Variants in TRPM2 observed in about 807,000 individuals in gnomAD.
TRPM2 encodes estrogen-responsive element-associated gene 1 protein.
Under a neutral mutation model 174.0 loss-of-function variants are expected in TRPM2, and 161 were observed. The observed-to-expected ratio is 0.93, with a 90% confidence interval of 0.81 to 1.05. The LOEUF (loss-of-function observed/expected upper bound fraction) is 1.05. Among genes scored for constraint, TRPM2 ranks in the 50% least tolerant of loss-of-function variants. The pLI, the probability that TRPM2 is intolerant of heterozygous loss-of-function variation, is 0.00. For missense variants in TRPM2, 2,057 were observed against 2,038.0 expected, an observed-to-expected ratio of 1.01 and a Z score of -0.18; for synonymous variants, 954 against 861.3, an observed-to-expected ratio of 1.11 and a Z score of -1.88.
chr21:44,433,717 G>A (rs904945366), intron 27 of TRPM2, among the ~76,000 whole-genome samples: 2 of 152,176 alleles, frequency 1.3e-5, no homozygotes, highest in Admixed American at 6.5e-5. Context: ...GGGCCCCACC[G>A]TGCAAGGCCC....
At chr21:44,365,107 T>TGC (rs2048322635) in intron 3 of TRPM2, among the ~76,000 whole-genome samples, 1 of 112,236 alleles carries the variant, frequency 8.9e-6, no homozygotes, top group African/African-American at 4.1e-5. Flanking sequence ...TTCTGAGACT[T>TGC]GTGTGTTGAC....
chr21:44,357,240 C>T (rs1334109037), intron 2 of TRPM2, among the ~76,000 whole-genome samples: 4 of 152,194 alleles, frequency 2.6e-5, no homozygotes, highest in Non-Finnish European at 4.4e-5. Flanking sequence ...GGTGAGGCCC[C>T]GTGGGTCTGG....
chr21:44,439,094 C>T lies in TRPM2; in HGVS notation c.4195C>T (p.Pro1399Ser), dbSNP rs2051391270. 1.9e-6 allele frequency: 3 copies of T among 1,613,472 alleles called. No individual in the cohort carries two copies. The South Asian group carries it at 3.3e-5, about 18-fold the overall frequency. The change falls in exon 30 of 32, where the codon CCT becomes TCT. Residue 1399 changes from proline to serine, a missense_variant. Coordinates refer to ENST00000397928, the MANE Select transcript of TRPM2 (RefSeq NM_003307.4). The surrounding 1 kb of genome is among the most constrained non-coding windows in gnomAD (Gnocchi z 5.1). The stretch of plus-strand genomic sequence containing the variant: ...CTCCCGGGAGCCAGGGGAGATGCTA[C>T]CTCGGAAGCTGAAGCGGATCCTCCG... ...GGSREPGEML[P>S]RKLKRILRQE...
Position 44,418,013 on chromosome 21 carries a change from CCGCCG to C in TRPM2, c.3240_3244del (p.Pro1082LeufsTer71). ...CTGATCGAGGAGTACCACGGCCGCCCCGCCGCGCCGCCCCCCTTCATCCTCCTCAG... is the reference window on the plus strand; with the variant it reads ...CTGATCGAGGAGTACCACGGCCGCCCCGCCGCCCCCCTTCATCCTCCTCAG... On this transcript the variant is annotated frameshift_variant, in exon 21 of 32. Coordinates refer to ENST00000397928, the MANE Select transcript of TRPM2 (RefSeq NM_003307.4). LOFTEE classifies it high-confidence loss of function. 6.2e-7 allele frequency: 1 copy of C among 1,612,984 alleles called. No individual in the cohort carries two copies. Among genetic ancestry groups the C allele is most frequent in the East Asian group, 2.2e-5 (1 of 44,876 alleles).
rs1051314450 is a variant in TRPM2 at position 44,366,650 on chromosome 21, G to A, written c.424-104G>A. The A allele has an allele frequency of 6.7e-6, 10 of 1,498,894 alleles. No individual in the cohort carries two copies. The highest frequency in any genetic ancestry group is 2.3e-5 in the East Asian group (1 of 43,392). The allele number at this position is 1,498,894 out of a possible 1,614,324, so 92.8% of individuals were successfully genotyped here. A position where few individuals can be genotyped will look rare whatever the true frequency, so the allele number is the denominator to read the frequency against. On this transcript the variant is annotated intron_variant, in intron 3 of 31. Transcript: ENST00000397928. The surrounding 1 kb of genome is among the most constrained non-coding windows in gnomAD (Gnocchi z 6.0). Reference sequence around the variant, plus strand: ...CTGGGTCTGAGCCGGAAAGGTGTGCGGTGTCTGCCGCCCGCTGGGGCCTCT... The same window carrying A: ...CTGGGTCTGAGCCGGAAAGGTGTGCAGTGTCTGCCGCCCGCTGGGGCCTCT...
chr21:44,351,916 G>A (rs2122998538), upstream of TRPM2, among the ~76,000 whole-genome samples: 3 of 152,218 alleles, frequency 2.0e-5, no homozygotes, highest in Non-Finnish European at 2.9e-5. Flanking sequence ...AAAGATGAGC[G>A]TGTGAACAGA....
intron 2 of TRPM2, among the ~76,000 whole-genome samples, chr21:44,361,444 C>T (rs1307500798): frequency 6.6e-6 from 1 of 152,162 alleles, no homozygotes; most frequent in Non-Finnish European, 1.5e-5. Context: ...GCTGAATATT[C>T]CTTTCCCTTT....
rs577108837 is a variant in TRPM2 at position 44,427,481 on chromosome 21, C to T, written c.3974+370C>T. Among the ~76,000 whole-genome samples the T allele has an allele frequency of 1.6e-4, 24 of 152,288 alleles. No homozygotes were observed. In the East Asian group the frequency reaches 3.3e-3, roughly 21 times the overall value. ...ATGGGCACTGGCAGGCTTACCTGGC[C>T]GGGAAGGTGGCCTCGCCTGGCATCC... On this transcript the variant is annotated intron_variant, in intron 27 of 31. Transcript: ENST00000397928.
chr21:44,376,886 G>A lies in TRPM2; in HGVS notation c.953-826G>A, dbSNP rs992792175. On this transcript the variant is annotated intron_variant, in intron 6 of 31. Transcript: ENST00000397928. This position sits in a 1 kb window ranked among gnomAD's most constrained non-coding sequence, Gnocchi z 4.2. Reference sequence around the variant, plus strand: ...GGTGGGCTGAGAACTTGCATTAGGAGCACGTTCCCTGGTGAGGGCGATGCT... The same window carrying A: ...GGTGGGCTGAGAACTTGCATTAGGAACACGTTCCCTGGTGAGGGCGATGCT... Among the ~76,000 whole-genome samples, 2 of 151,882 alleles carry A rather than the reference G, an allele frequency of 1.3e-5. No individual in the cohort carries two copies. The highest frequency in any genetic ancestry group is 4.9e-5 in the African/African-American group (2 of 41,162).
At chr21:44,378,862 A>C (rs1260296006) in intron 7 of TRPM2, 135 bp from the exon 8 acceptor site, 1 of 973,176 alleles carries the variant, frequency 1.0e-6, no homozygotes, top group Non-Finnish European at 1.5e-6. Context: ...CACGAAACTA[A>C]TAAGTGCTTT....
At chr21:44,360,792 C>T (rs780482972) in intron 2 of TRPM2, among the ~76,000 whole-genome samples, 5 of 152,106 alleles carry the variant, frequency 3.3e-5, no homozygotes, top group South Asian at 4.2e-4. Context: ...GTCTCGGACT[C>T]GGGACCTCAA....
At chr21:44,357,893 C>G (rs1333901929) in intron 2 of TRPM2, among the ~76,000 whole-genome samples, 5 of 152,180 alleles carry the variant, frequency 3.3e-5, no homozygotes, top group Admixed American at 6.5e-5. Context: ...CCACGGTGGT[C>G]ACTGCAGCAG....
At chr21:44,385,081 C>T (rs2048980795) in intron 9 of TRPM2, among the ~76,000 whole-genome samples, 1 of 152,188 alleles carries the variant, frequency 6.6e-6, no homozygotes, top group Non-Finnish European at 1.5e-5. Context: ...CAGGATTATA[C>T]ACTATGACTA....
At chr21:44,428,753 TTCCCTGAGGTGTGGCTCC>T (rs1323784694) in intron 27 of TRPM2, among the ~76,000 whole-genome samples, 135 of 130,656 alleles carry the variant, frequency 1.0e-3, no homozygotes, top group Non-Finnish European at 1.4e-3. Flanking sequence ...GGTGTGGCTC[TTCCCTGAGGTGTGGCTCC>T]TCCCTGAGGT....
At chr21:44,437,555 G>A (rs1028740331) in intron 29 of TRPM2, among the ~76,000 whole-genome samples, 1 of 152,116 alleles carries the variant, frequency 6.6e-6, no homozygotes, top group African/African-American at 2.4e-5. Flanking sequence ...CAGGTGCTGA[G>A]CCATAAATAT....
At position 44,381,652 on chromosome 21, in the gene TRPM2, A is replaced by G. The variant is rs1351743995; in HGVS notation, c.1216-1066A>G. The stretch of plus-strand genomic sequence containing the variant: ...CTGGGCACTGTGGCTCACAATTGTA[A>G]TCCCAGCACTTTGGGAGGTTGATGC... On this transcript the variant is annotated intron_variant, in intron 8 of 31. Coordinates refer to ENST00000397928, the MANE Select transcript of TRPM2 (RefSeq NM_003307.4). 2.6e-5 allele frequency among the ~76,000 whole-genome samples: 4 copies of G among 152,150 alleles called. No individual in the cohort carries two copies. The East Asian group carries it at 5.8e-4, about 22-fold the overall frequency.
intron 5 of TRPM2, among the ~76,000 whole-genome samples, chr21:44,370,310 A>G (rs1274017336): frequency 6.6e-6 from 1 of 152,084 alleles, no homozygotes; most frequent in Admixed American, 6.5e-5. Flanking sequence ...CGGGAATCCC[A>G]CTGTGCTGTG....
At chr21:44,379,309 T>C in intron 8 of TRPM2, 112 bp downstream of exon 8, 1 of 1,283,954 alleles carries the variant, frequency 7.8e-7, no homozygotes, top group Non-Finnish European at 1.1e-6. Flanking sequence ...CCACTGGGTC[T>C]GAGTGGGTGC....
At position 44,439,499 on chromosome 21, in the gene TRPM2, C is replaced by A. The variant is rs1041554625; in HGVS notation, c.4269+331C>A. 6.6e-6 allele frequency among the ~76,000 whole-genome samples: 1 copy of A among 152,132 alleles called. No individual in the cohort carries two copies. Among genetic ancestry groups the A allele is most frequent in the African/African-American group, 2.4e-5 (1 of 41,424 alleles). On this transcript the variant is annotated intron_variant, in intron 30 of 31. Coordinates refer to ENST00000397928, the MANE Select transcript of TRPM2 (RefSeq NM_003307.4). This position sits in a 1 kb window ranked among gnomAD's most constrained non-coding sequence, Gnocchi z 5.1. ...CCTGGTGCCGCCCTCCTCCCCACAT[C>A]CACCCTTGCCTCGAGCACAGCTGCG...
Sources: allele counts gnomAD v4.1 joint callset (sites outside exome capture counted in the v4.1 genomes callset), GRCh38; gene constraint gnomAD v4.1.1; non-coding constraint Gnocchi (gnomAD v3.1); transcripts MANE v1.5; gene names NCBI Gene and HGNC (gene_info 2026-07-23, HGNC 2026-07-21).